ME3: variants seen among roughly 807,000 people sequenced by gnomAD.
ME3 encodes NADP-dependent malic enzyme, mitochondrial.
Under a neutral mutation model 68.9 loss-of-function variants are expected in ME3, and 48 were observed. That is an observed-to-expected ratio of 0.70 (90% CI 0.55 to 0.89). The LOEUF (loss-of-function observed/expected upper bound fraction) is 0.89. Among genes scored for constraint, ME3 ranks in the 40% least tolerant of loss-of-function variants. The pLI is 0.00. For synonymous variants in ME3, 320 were observed against 318.8 expected, an observed-to-expected ratio of 1.00 and a Z score of -0.04; for missense variants, 675 against 797.4, an observed-to-expected ratio of 0.85 and a Z score of 1.85.
At chr11:86,551,237 G>C (rs1956666222) in intron 4 of ME3, among the ~76,000 whole-genome samples, 1 of 152,130 alleles carries the variant, frequency 6.6e-6, no homozygotes, top group South Asian at 2.1e-4. Context: ...TAGCCCTTCT[G>C]ACCCTCATAA....
chr11:86,500,484 G>A (rs189147665), intron 5 of ME3, among the ~76,000 whole-genome samples: 2 of 152,150 alleles, frequency 1.3e-5, no homozygotes, highest in Non-Finnish European at 2.9e-5. Flanking sequence ...CAGACTCCTT[G>A]CCTCTCATCT....
intron 2 of ME3, among the ~76,000 whole-genome samples, chr11:86,666,782 G>C (rs1003450813): frequency 7.9e-5 from 12 of 152,210 alleles, no homozygotes; most frequent in Admixed American, 4.6e-4. Flanking sequence ...GAGATCTCGA[G>C]AAGATATATT....
At chr11:86,581,492 A>G (rs1056529624) in intron 2 of ME3, among the ~76,000 whole-genome samples, 1 of 152,220 alleles carries the variant, frequency 6.6e-6, no homozygotes, top group East Asian at 1.9e-4. Flanking sequence ...AAAGTGTGCA[A>G]CAGAGTGCCT....
At chr11:86,564,214 A>G (rs113675932) in intron 2 of ME3, among the ~76,000 whole-genome samples, 4,096 of 152,038 alleles carry the variant, frequency 0.027, 184 homozygotes, top group African/African-American at 0.088. Flanking sequence ...TTCTATCTGT[A>G]TATCTTCTTT....
At chr11:86,652,368 G>A (rs938815561) in intron 2 of ME3, among the ~76,000 whole-genome samples, 11 of 152,186 alleles carry the variant, frequency 7.2e-5, no homozygotes, top group Admixed American at 2.0e-4. Flanking sequence ...CCCACAAAGG[G>A]AAGCCCATCA....
At chr11:86,460,443 C>T (rs1169659205) in intron 8 of ME3, among the ~76,000 whole-genome samples, 1 of 152,200 alleles carries the variant, frequency 6.6e-6, no homozygotes, top group Admixed American at 6.5e-5. Flanking sequence ...CATGGCCCTG[C>T]CCTCTGGGAG....
At chr11:86,446,782 A>G (rs1385353203) in intron 12 of ME3, 1 of 588,654 alleles carries the variant, frequency 1.7e-6, no homozygotes, top group Admixed American at 3.0e-5. Context: ...CCTAGAGTCT[A>G]CAAGTGCCTC....
At chr11:86,468,722 C>T (rs970263266) in intron 7 of ME3, among the ~76,000 whole-genome samples, 2 of 152,162 alleles carry the variant, frequency 1.3e-5, no homozygotes, top group Non-Finnish European at 2.9e-5. Context: ...AATGAGCTTT[C>T]ACCATAACAC....
At position 86,599,414 on chromosome 11, in the gene ME3, AG is replaced by A. The variant is rs565277355; in HGVS notation, c.184-39592del. 1.0e-3 allele frequency among the ~76,000 whole-genome samples: 157 copies of A among 152,352 alleles called. 2 individuals are homozygous for A. Among genetic ancestry groups the A allele is most frequent in the African/African-American group, 3.7e-3 (152 of 41,576 alleles). On this transcript the variant is annotated intron_variant, in intron 2 of 14. Coordinates refer to ENST00000543262, the Ensembl canonical transcript of ME3. Reference sequence around the variant, plus strand: ...GAAGTTTAGAGAAAAAAGAATAAAAAGAAACGAACAAAGCCTCCAAGAAATA... The same window carrying A: ...GAAGTTTAGAGAAAAAAGAATAAAAAAAACGAACAAAGCCTCCAAGAAATA...
chr11:86,652,537 C>A (rs1945523063), intron 2 of ME3, among the ~76,000 whole-genome samples: 1 of 152,038 alleles, frequency 6.6e-6, no homozygotes, highest in Non-Finnish European at 1.5e-5. Flanking sequence ...GAGAGACAAG[C>A]AAATGCTGAG....
chr11:86,615,982 T>C (rs1004231598), intron 2 of ME3, among the ~76,000 whole-genome samples: 3 of 152,224 alleles, frequency 2.0e-5, no homozygotes, highest in Admixed American at 6.5e-5. Context: ...GTAAAACTTA[T>C]AGTCTCACCA....
intron 2 of ME3, among the ~76,000 whole-genome samples, chr11:86,619,676 T>G (rs1943222919): frequency 6.6e-6 from 1 of 152,260 alleles, no homozygotes; most frequent in African/African-American, 2.4e-5. Flanking sequence ...CTGCCATGAC[T>G]GTGAGACTTC....
At chr11:86,465,039 T>G in intron 8 of ME3, 52 bp downstream of exon 8, 6 of 1,437,728 alleles carry the variant, frequency 4.2e-6, no homozygotes, top group South Asian at 1.2e-5. Flanking sequence ...CCAGTGAGGT[T>G]GAGAATATAA....
At chr11:86,452,328 T>C (rs986577616) in intron 8 of ME3, among the ~76,000 whole-genome samples, 2 of 152,232 alleles carry the variant, frequency 1.3e-5, no homozygotes, top group African/African-American at 4.8e-5. Flanking sequence ...ATTACTTTTC[T>C]GGCTGTTGTG....
At chr11:86,573,645 T>G (rs1460821503) in intron 2 of ME3, among the ~76,000 whole-genome samples, 2 of 152,008 alleles carry the variant, frequency 1.3e-5, no homozygotes, top group Non-Finnish European at 2.9e-5. Context: ...CTGATTGCCC[T>G]GGCCAGAACT....
chr11:86,545,927 C>T (rs974471788), intron 4 of ME3, among the ~76,000 whole-genome samples: 1 of 152,194 alleles, frequency 6.6e-6, no homozygotes, highest in East Asian at 1.9e-4. Context: ...TACAAGGCTT[C>T]AGTAACCAAA....
intron 2 of ME3, among the ~76,000 whole-genome samples, chr11:86,638,678 C>T (rs1944489726): frequency 6.6e-6 from 1 of 152,168 alleles, no homozygotes; most frequent in South Asian, 2.1e-4. Flanking sequence ...GTTAAACAAG[C>T]ACTTTAAATA....
intron 4 of ME3, among the ~76,000 whole-genome samples, chr11:86,541,701 G>C (rs1565926262): frequency 6.6e-6 from 1 of 152,222 alleles, no homozygotes. Context: ...CCTCAGGGAA[G>C]GGGCAGCTTT....
chr11:86,498,940 G>A (rs1048579853), intron 5 of ME3, among the ~76,000 whole-genome samples: 24 of 152,124 alleles, frequency 1.6e-4, no homozygotes, highest in African/African-American at 5.8e-4. Flanking sequence ...AAATATGCAT[G>A]GACACAGCCC....
Sources: gnomAD v4.1 joint callset for allele counts (sites outside exome capture counted in the v4.1 genomes callset) on GRCh38, gnomAD v4.1.1 for gene constraint, MANE v1.5 for transcripts, NCBI Gene and HGNC (gene_info 2026-07-23, HGNC 2026-07-21) for gene names.